ZNF600: variants seen among roughly 807,000 people sequenced by gnomAD.
ZNF600 encodes the protein zinc finger protein 600, also known as zinc finger protein KR-ZNF1.
A neutral mutation model predicts 7.3 loss-of-function variants in ZNF600; 4 were observed. That is an observed-to-expected ratio of 0.55 (90% CI 0.27 to 1.25). The LOEUF (loss-of-function observed/expected upper bound fraction) is 1.25. Ranked by LOEUF, ZNF600 falls within the 50% of genes most tolerant of loss-of-function variation. The probability of loss-of-function intolerance (pLI) is 0.12; values close to 1 mark genes in which losing one functional copy is unlikely to be tolerated. For missense variants in ZNF600, 911 were observed against 922.1 expected, an observed-to-expected ratio of 0.99 and a Z score of 0.16; for synonymous variants, 290 against 308.9, an observed-to-expected ratio of 0.94 and a Z score of 0.64.
At chr19:52,812,472 C>A in the ZNF600 span, among the ~76,000 whole-genome samples, 1 of 122,688 alleles carries the variant, frequency 8.2e-6, no homozygotes, top group Non-Finnish European at 1.7e-5. Context: ...TTATCCCCAA[C>A]CCTGTGCTCT....
chr19:52,806,296 T>C, the ZNF600 span, among the ~76,000 whole-genome samples: 3 of 152,062 alleles, frequency 2.0e-5, no homozygotes, highest in East Asian at 3.9e-4. Context: ...CAGATTCAAG[T>C]GGCTCTCCTG....
chr19:52,828,759 A>G, the ZNF600 span, among the ~76,000 whole-genome samples: 1 of 152,196 alleles, frequency 6.6e-6, no homozygotes, highest in East Asian at 1.9e-4. Context: ...CAGAGTTCTT[A>G]TTCTCCAATA....
intron 3 of ZNF600, among the ~76,000 whole-genome samples, chr19:52,773,226 G>A (rs1177668166): frequency 2.0e-5 from 3 of 152,284 alleles, no homozygotes; most frequent in Admixed American, 2.0e-4. Flanking sequence ...AATTCCACTA[G>A]GATAGACCAA....
chr19:52,771,965 C>T (rs374900457), intron 3 of ZNF600, among the ~76,000 whole-genome samples: 3,223 of 151,830 alleles, frequency 0.021, 131 homozygotes, highest in African/African-American at 0.072. Context: ...GGAAAAGAGG[C>T]ATCTCATCAT....
At chr19:52,828,890 TC>T in the ZNF600 span, among the ~76,000 whole-genome samples, 5 of 152,180 alleles carry the variant, frequency 3.3e-5, no homozygotes, top group African/African-American at 1.2e-4. Context: ...AGACGGGGTC[TC>T]CCCCTGTCAC....
chr19:52,819,810 T>G, the ZNF600 span, among the ~76,000 whole-genome samples: 2 of 143,804 alleles, frequency 1.4e-5, no homozygotes, highest in African/African-American at 2.8e-5. Context: ...CATTGAATTC[T>G]TCCTTACAAG....
At chr19:52,767,059 G>T in exon 4 of ZNF600, 3 of 1,614,090 alleles carry the variant, frequency 1.9e-6, no homozygotes, top group Non-Finnish European at 2.5e-6. Context: ...TGGCATGTAA[G>T]GGATGATACC....
the ZNF600 span, among the ~76,000 whole-genome samples, chr19:52,792,278 A>G: frequency 6.6e-6 from 1 of 152,180 alleles, no homozygotes; most frequent in Non-Finnish European, 1.5e-5. Context: ...GTGAAAGGAA[A>G]TAAATCTTTG....
At chr19:52,774,515 G>A in intron 3 of ZNF600, 60 bp downstream of exon 5, 3 of 979,392 alleles carry the variant, frequency 3.1e-6, no homozygotes, top group Non-Finnish European at 2.4e-6. Context: ...CACAAAACCA[G>A]GAAGGGCCAA....
exon 4 of ZNF600, chr19:52,766,832 G>T (rs759767561): frequency 1.2e-6 from 2 of 1,613,878 alleles, no homozygotes; most frequent in African/African-American, 2.7e-5. Context: ...TGAAAACTTT[G>T]TCACATTCTT....
the ZNF600 span, among the ~76,000 whole-genome samples, chr19:52,817,719 G>C: frequency 1.3e-5 from 2 of 152,186 alleles, no homozygotes; most frequent in Non-Finnish European, 2.9e-5. Flanking sequence ...GTCTGGGTGT[G>C]AGACCTTCCC....
At chr19:52,800,366 T>A in the ZNF600 span, 11 of 1,613,980 alleles carry the variant, frequency 6.8e-6, no homozygotes, top group Non-Finnish European at 9.3e-6. Flanking sequence ...ATTTGTATGG[T>A]TTCTCTCCAG....
At chr19:52,785,559 C>T (rs2062756686) in intron 1 of ZNF600, among the ~76,000 whole-genome samples, 1 of 152,078 alleles carries the variant, frequency 6.6e-6, no homozygotes. Flanking sequence ...CTTATTTAAC[C>T]TCTTGTTGTT....
upstream of ZNF600, among the ~76,000 whole-genome samples, chr19:52,789,308 A>AG (rs2062785758): frequency 6.6e-6 from 1 of 152,188 alleles, no homozygotes; most frequent in African/African-American, 2.4e-5. Context: ...AGGAGGACAG[A>AG]GGCAGGAGTT....
upstream of ZNF600, among the ~76,000 whole-genome samples, chr19:52,788,991 G>T: frequency 6.6e-6 from 1 of 152,230 alleles, no homozygotes; most frequent in East Asian, 1.9e-4. Flanking sequence ...TTGGGGACTT[G>T]TTCCCACCAG....
At chr19:52,804,515 C>T in the ZNF600 span, among the ~76,000 whole-genome samples, 12 of 151,742 alleles carry the variant, frequency 7.9e-5, no homozygotes, top group Non-Finnish European at 1.5e-4. Context: ...GGATTACAGG[C>T]GCACGCCACC....
chr19:52,823,769 A>T, the ZNF600 span, among the ~76,000 whole-genome samples: 1 of 152,094 alleles, frequency 6.6e-6, no homozygotes, highest in Admixed American at 6.5e-5. Flanking sequence ...CTTTCTAAAA[A>T]ATACCACTTC....
At chr19:52,832,496 A>G in the ZNF600 span, among the ~76,000 whole-genome samples, 4,431 of 151,790 alleles carry the variant, frequency 0.029, 217 homozygotes, top group African/African-American at 0.098. Flanking sequence ...TCGGGAGGCT[A>G]AGGCAGAAGA....
At chr19:52,785,028 C>T (rs932970576) in intron 1 of ZNF600, among the ~76,000 whole-genome samples, 1 of 152,112 alleles carries the variant, frequency 6.6e-6, no homozygotes, top group Non-Finnish European at 1.5e-5. Context: ...TGAGCCACTG[C>T]GCCCAGCCCC....
Sources: gnomAD v4.1 joint callset for allele counts (sites outside exome capture counted in the v4.1 genomes callset) on GRCh38, gnomAD v4.1.1 for gene constraint, MANE v1.5 for transcripts, NCBI Gene and HGNC (gene_info 2026-07-23, HGNC 2026-07-21) for gene names.